Variants in INPP4B observed in about 807,000 individuals in gnomAD.
INPP4B encodes the protein inositol polyphosphate-4-phosphatase type II B.
A neutral mutation model predicts 122.5 loss-of-function variants in INPP4B; 55 were observed. That is an observed-to-expected ratio of 0.45 (90% CI 0.36 to 0.56). The LOEUF (loss-of-function observed/expected upper bound fraction) is 0.56, where lower values mean the gene tolerates loss of function less well. Among genes scored for constraint, INPP4B ranks in the 20% least tolerant of loss-of-function variants. INPP4B has a pLI of 0.00. For missense variants in INPP4B, 1,000 were observed against 1,097.7 expected, an observed-to-expected ratio of 0.91 and a Z score of 1.26; for synonymous variants, 403 against 388.7, an observed-to-expected ratio of 1.04 and a Z score of -0.43.
chr4:142,305,864 T>A, intron 8 of INPP4B: 1 of 1,092,818 alleles, frequency 9.2e-7, no homozygotes, highest in Non-Finnish European at 1.1e-6. Flanking sequence ...GATGATATAT[T>A]TTCCATATTT....
chr4:142,137,972 G>C (rs1345981621), intron 18 of INPP4B, among the ~76,000 whole-genome samples: 1 of 152,150 alleles, frequency 6.6e-6, no homozygotes, highest in Non-Finnish European at 1.5e-5. Context: ...GTGGAAGTCA[G>C]AGTGGCGATT....
intron 2 of INPP4B, among the ~76,000 whole-genome samples, chr4:142,464,651 A>T (rs1487665490): frequency 6.6e-6 from 1 of 152,152 alleles, no homozygotes; most frequent in Non-Finnish European, 1.5e-5. Flanking sequence ...GAAATCATGA[A>T]ACTGATCACT....
intron 9 of INPP4B, chr4:142,287,506 T>C (rs543909463): frequency 6.6e-6 from 1 of 152,330 alleles, no homozygotes; most frequent in African/African-American, 2.4e-5. Context: ...GTGTTATTTT[T>C]GTCCCGGCTT....
chr4:142,391,432 G>A (rs906476197), intron 7 of INPP4B, among the ~76,000 whole-genome samples: 4 of 152,016 alleles, frequency 2.6e-5, no homozygotes, highest in Non-Finnish European at 4.4e-5. Flanking sequence ...TGTGGTGGCC[G>A]GCATGTGTAA....
chr4:142,066,401 A>C (rs913081367), intron 25 of INPP4B, among the ~76,000 whole-genome samples: 7 of 152,194 alleles, frequency 4.6e-5, no homozygotes, highest in African/African-American at 1.7e-4. Flanking sequence ...TATCAAACTT[A>C]AGTGCACATC....
chr4:142,053,993 A>C (rs1219920044), intron 25 of INPP4B, among the ~76,000 whole-genome samples: 2 of 134,266 alleles, frequency 1.5e-5, no homozygotes, highest in Non-Finnish European at 3.3e-5. Flanking sequence ...AATTCTTAGG[A>C]CACTGGGGAG....
chr4:142,513,140 A>G (rs758964633), intron 2 of INPP4B, among the ~76,000 whole-genome samples: 1 of 152,226 alleles, frequency 6.6e-6, no homozygotes, highest in Non-Finnish European at 1.5e-5. Flanking sequence ...GCAAATATGT[A>G]TGCACTGCCT....
At chr4:142,656,817 G>A (rs895944899) in intron 2 of INPP4B, among the ~76,000 whole-genome samples, 3 of 152,074 alleles carry the variant, frequency 2.0e-5, no homozygotes, top group African/African-American at 7.2e-5. Context: ...TTTAGAAGAT[G>A]TTTTTACTGG....
chr4:142,437,764 T>C (rs190368772), intron 3 of INPP4B, among the ~76,000 whole-genome samples: 26 of 152,098 alleles, frequency 1.7e-4, no homozygotes, highest in Non-Finnish European at 3.8e-4. Flanking sequence ...GCAAATAAAC[T>C]GGAAAATCTG....
intron 9 of INPP4B, among the ~76,000 whole-genome samples, chr4:142,278,800 C>T (rs1749836285): frequency 6.6e-6 from 1 of 151,828 alleles, no homozygotes; most frequent in Non-Finnish European, 1.5e-5. Flanking sequence ...ACTCTGGGCT[C>T]ACCCAAAGTT....
chr4:142,457,282 T>C lies in INPP4B; in HGVS notation c.-127+5381A>G, dbSNP rs534361704. On this transcript the variant is annotated intron_variant, in intron 3 of 25. Transcript: ENST00000262992. ...CCATAAAAGAAAACCATTTGTAAAATTGACTTTATTGAAGTTGAAAACTTC... is the reference window on the plus strand; with the variant it reads ...CCATAAAAGAAAACCATTTGTAAAACTGACTTTATTGAAGTTGAAAACTTC... Among the ~76,000 whole-genome samples the C allele has an allele frequency of 3.2e-4, 49 of 152,178 alleles. No individual in the cohort carries two copies. In the South Asian group the frequency reaches 4.6e-3, roughly 14 times the overall value.
At position 142,238,025 on chromosome 4, in the gene INPP4B, GA is replaced by G; in HGVS notation, c.689-15del. ...GGTTCTTTAACACTGGAAAAAAAAA[GA>G]AAAAATAATAGTTAAATTCTAAGCA... On this transcript the variant is annotated splice_polypyrimidine_tract_variant and intron_variant, in intron 11 of 25. Transcript: ENST00000262992. 1 of 1,340,068 alleles carries G rather than the reference GA, an allele frequency of 7.5e-7. No homozygotes were observed. Among genetic ancestry groups the G allele is most frequent in the Non-Finnish European group, 1.0e-6 (1 of 956,972 alleles). The allele number at this position is 1,340,068 out of a possible 1,614,324, so 83.0% of individuals were successfully genotyped here.
intron 23 of INPP4B, among the ~76,000 whole-genome samples, chr4:142,089,480 C>CACACACACACAG (rs1211478932): frequency 1.5e-5 from 2 of 134,966 alleles, no homozygotes; most frequent in African/African-American, 2.7e-5. Context: ...CACACACACA[C>CACACACACACAG]AGAGAGAGAG....
At chr4:142,672,771 T>A (rs1175203785) in intron 2 of INPP4B, among the ~76,000 whole-genome samples, 27 of 152,130 alleles carry the variant, frequency 1.8e-4, no homozygotes, top group Admixed American at 1.6e-3. Flanking sequence ...TTTTTATGAA[T>A]CTTGCTTTTA....
chr4:142,453,982 T>C (rs1001166291), intron 3 of INPP4B, among the ~76,000 whole-genome samples: 7 of 152,016 alleles, frequency 4.6e-5, no homozygotes, highest in Admixed American at 1.3e-4. Context: ...GAAACACGGG[T>C]TAATTCTCTG....
chr4:142,773,770 T>C (rs985366551), intron 1 of INPP4B, among the ~76,000 whole-genome samples: 1 of 152,188 alleles, frequency 6.6e-6, no homozygotes, highest in South Asian at 2.1e-4. Context: ...GAAAACACTA[T>C]TTCTCCAGTA....
intron 1 of INPP4B, among the ~76,000 whole-genome samples, chr4:142,753,738 T>C (rs1307976391): frequency 6.6e-6 from 1 of 151,968 alleles, no homozygotes; most frequent in East Asian, 1.9e-4. Flanking sequence ...TAAATTGTTT[T>C]CCCTCCTATG....
At chr4:142,790,010 G>A (rs992123756) in intron 1 of INPP4B, among the ~76,000 whole-genome samples, 1 of 151,922 alleles carries the variant, frequency 6.6e-6, no homozygotes, top group African/African-American at 2.4e-5. Context: ...AATGGTGCTG[G>A]GATAATTGGC....
intron 21 of INPP4B, among the ~76,000 whole-genome samples, chr4:142,120,059 A>G (rs568536551): frequency 4.7e-4 from 72 of 151,946 alleles, no homozygotes; most frequent in Admixed American, 4.7e-3. Context: ...CTCTTTCCAT[A>G]TAGATAAACC....
Sources: gnomAD v4.1 joint callset for allele counts (sites outside exome capture counted in the v4.1 genomes callset) on GRCh38, gnomAD v4.1.1 for gene constraint, MANE v1.5 for transcripts, NCBI Gene and HGNC (gene_info 2026-07-23, HGNC 2026-07-21) for gene names.